Variants in FAM110B observed in about 807,000 individuals in gnomAD.
FAM110B encodes family with sequence similarity 110 member B.
A neutral mutation model predicts 20.4 loss-of-function variants in FAM110B; 6 were observed. That is an observed-to-expected ratio of 0.29 (90% CI 0.16 to 0.58). The LOEUF (loss-of-function observed/expected upper bound fraction) is 0.58, where lower values mean the gene tolerates loss of function less well. Among genes scored for constraint, FAM110B ranks in the 20% least tolerant of loss-of-function variants. The probability of loss-of-function intolerance (pLI) is 0.90; values close to 1 mark genes in which losing one functional copy is unlikely to be tolerated. For missense variants in FAM110B, 434 were observed against 498.2 expected (o/e 0.87, Z 1.23); for synonymous variants, 226 against 214.1 (o/e 1.06, Z -0.49).
At chr8:58,048,511 C>G (rs1056201624) in intron 2 of FAM110B, among the ~76,000 whole-genome samples, 1 of 152,120 alleles carries the variant, frequency 6.6e-6, no homozygotes, top group Middle Eastern at 3.2e-3. Flanking sequence ...CCCCTGCCCT[C>G]CTTTCCTTTT....
chr8:58,028,731 G>A (rs945742765), intron 1 of FAM110B, among the ~76,000 whole-genome samples: 2 of 152,202 alleles, frequency 1.3e-5, no homozygotes, highest in East Asian at 1.9e-4. Context: ...CCATGTGTGT[G>A]CATGTGTGCT....
rs547593638 is a variant in FAM110B at position 58,055,483 on chromosome 8, T to G, written c.-413-20052T>G. On this transcript the variant is annotated intron_variant, in intron 2 of 3. Coordinates refer to ENST00000519262, the MANE Select transcript of FAM110B (RefSeq NM_001377989.1). Reference sequence around the variant, plus strand: ...GATCTACAGATTATGTTTTAATTGATTTTCCTTAAACCTGTGGAGACAAAT... The same window carrying G: ...GATCTACAGATTATGTTTTAATTGAGTTTCCTTAAACCTGTGGAGACAAAT... Among the ~76,000 whole-genome samples the G allele has an allele frequency of 5.9e-5, 9 of 152,340 alleles. No homozygotes were observed. The South Asian group carries it at 1.7e-3, about 28-fold the overall frequency.
intron 1 of FAM110B, among the ~76,000 whole-genome samples, chr8:57,996,632 A>G (rs1358458139): frequency 6.6e-6 from 1 of 152,172 alleles, no homozygotes; most frequent in Admixed American, 6.5e-5. Flanking sequence ...TTAAGAGCCT[A>G]ATTGTTTAAA....
chr8:58,067,010 C>G (rs1805782526), intron 2 of FAM110B, among the ~76,000 whole-genome samples: 1 of 152,196 alleles, frequency 6.6e-6, no homozygotes, highest in Non-Finnish European at 1.5e-5. Context: ...AGTGTTTGAC[C>G]AGCAACTGAA....
intron 2 of FAM110B, among the ~76,000 whole-genome samples, chr8:58,064,339 C>A (rs1805718725): frequency 6.6e-6 from 1 of 152,074 alleles, no homozygotes; most frequent in African/African-American, 2.4e-5. Context: ...GTGATCCCAA[C>A]TATTTCCTTA....
intron 3 of FAM110B, among the ~76,000 whole-genome samples, chr8:58,129,195 C>T (rs1041171136): frequency 6.6e-6 from 1 of 152,204 alleles, no homozygotes; most frequent in African/African-American, 2.4e-5. Flanking sequence ...AGGGAAACCA[C>T]CTGAGTCAGA....
chr8:58,069,495 G>A (rs1221971490), intron 2 of FAM110B, among the ~76,000 whole-genome samples: 1 of 152,146 alleles, frequency 6.6e-6, no homozygotes, highest in Non-Finnish European at 1.5e-5. Context: ...CACAGGATTT[G>A]GCTTCTAGAA....
intron 3 of FAM110B, among the ~76,000 whole-genome samples, chr8:58,111,947 A>G (rs1298885573): frequency 2.0e-5 from 3 of 152,324 alleles, no homozygotes; most frequent in Middle Eastern, 3.4e-3. Flanking sequence ...ACTTCAAGCA[A>G]AAGGCCACTG....
chr8:58,086,122 T>G (rs1296253339), intron 3 of FAM110B, among the ~76,000 whole-genome samples: 1 of 152,198 alleles, frequency 6.6e-6, no homozygotes, highest in African/African-American at 2.4e-5. Flanking sequence ...TGTACAGTGG[T>G]CATGTTCATA....
chr8:58,022,892 A>G (rs1239962641), intron 1 of FAM110B, among the ~76,000 whole-genome samples: 2 of 152,200 alleles, frequency 1.3e-5, no homozygotes, highest in Admixed American at 1.3e-4. Context: ...GGGCAGAAAA[A>G]CAGTGTGGGA....
chr8:58,118,457 G>C (rs559351870), intron 3 of FAM110B, among the ~76,000 whole-genome samples: 11 of 152,172 alleles, frequency 7.2e-5, no homozygotes, highest in African/African-American at 2.7e-4. Flanking sequence ...CCAAATTTCC[G>C]GTTGGGTCTG....
intron 3 of FAM110B, among the ~76,000 whole-genome samples, chr8:58,139,694 G>A (rs551114361): frequency 1.6e-4 from 25 of 152,260 alleles, no homozygotes; most frequent in Admixed American, 7.8e-4. Flanking sequence ...TGGGGAGGCC[G>A]AGGTGGGTGG....
chr8:58,038,113 C>A (rs1020603751), intron 2 of FAM110B, among the ~76,000 whole-genome samples: 9 of 152,146 alleles, frequency 5.9e-5, no homozygotes, highest in Non-Finnish European at 1.2e-4. Context: ...AGGATACTTG[C>A]ACCTATTGAG....
chr8:58,143,246 C>A (rs569008475), intron 3 of FAM110B, among the ~76,000 whole-genome samples: 1 of 152,286 alleles, frequency 6.6e-6, no homozygotes, highest in African/African-American at 2.4e-5. Context: ...CCTTAGTATC[C>A]CACAACACCC....
intron 1 of FAM110B, among the ~76,000 whole-genome samples, chr8:58,015,705 TGTG>T (rs1417503519): frequency 2.0e-5 from 3 of 150,832 alleles, no homozygotes; most frequent in Non-Finnish European, 4.4e-5. Context: ...ATTAGCCAGG[TGTG>T]GTGGTGTGTG....
chr8:58,128,882 T>C (rs2150632480), intron 3 of FAM110B, among the ~76,000 whole-genome samples: 1 of 152,304 alleles, frequency 6.6e-6, no homozygotes, highest in East Asian at 1.9e-4. Context: ...ATAACTTTTC[T>C]TTTGTGGTCA....
At chr8:58,041,254 C>T (rs116204759) in intron 2 of FAM110B, among the ~76,000 whole-genome samples, 98 of 152,252 alleles carry the variant, frequency 6.4e-4, no homozygotes, top group African/African-American at 2.3e-3. Context: ...ATGGGAAAAT[C>T]TTAATCGTCT....
At chr8:57,995,876 C>G (rs900584135) in intron 1 of FAM110B, among the ~76,000 whole-genome samples, 2 of 152,242 alleles carry the variant, frequency 1.3e-5, no homozygotes, top group African/African-American at 4.8e-5. Context: ...CAACATTGCA[C>G]TTCTGGCGTA....
intron 3 of FAM110B, among the ~76,000 whole-genome samples, chr8:58,095,082 G>A (rs890238079): frequency 4.0e-4 from 61 of 152,230 alleles, no homozygotes; most frequent in African/African-American, 1.4e-3. Flanking sequence ...ATTTTTGTGG[G>A]ATCGGTGGTG....
Sources: allele counts gnomAD v4.1 joint callset (sites outside exome capture counted in the v4.1 genomes callset), GRCh38; gene constraint gnomAD v4.1.1; transcripts MANE v1.5; gene names NCBI Gene and HGNC (gene_info 2026-07-23, HGNC 2026-07-21).